Variants in GBP1 observed in about 807,000 individuals in gnomAD.
The protein encoded by GBP1 is guanylate-binding protein 1.
A neutral mutation model predicts 69.5 loss-of-function variants in GBP1; 64 were observed. That is an observed-to-expected ratio of 0.92 (90% CI 0.75 to 1.13). GBP1 has a LOEUF of 1.13. GBP1 is among the 50% of genes most tolerant of loss of function. The probability of loss-of-function intolerance (pLI) is 0.00; values close to 1 mark genes in which losing one functional copy is unlikely to be tolerated. For missense variants in GBP1, 630 were observed against 704.1 expected (o/e 0.89, Z 1.19); for synonymous variants, 250 against 261.2 (o/e 0.96, Z 0.41).
intron 3 of GBP1, 90 bp from the exon 4 acceptor site, chr1:89,059,516 A>G: frequency 9.5e-7 from 1 of 1,057,260 alleles, no homozygotes; most frequent in Non-Finnish European, 1.4e-6. Flanking sequence ...TTCATATGTT[A>G]GAGGGTTTTT....
chr1:89,064,425 A>T (rs1680285450), intron 1 of GBP1, among the ~76,000 whole-genome samples: 1 of 152,062 alleles, frequency 6.6e-6, no homozygotes, highest in Admixed American at 6.6e-5. Context: ...ATTACAGGAG[A>T]ATTAAAGAGG....
intron 10 of GBP1, among the ~76,000 whole-genome samples, chr1:89,054,066 A>G (rs1304211563): frequency 6.6e-6 from 1 of 152,178 alleles, no homozygotes; most frequent in Non-Finnish European, 1.5e-5. Flanking sequence ...TCTAAGTAAT[A>G]AGGATATAGT....
chr1:89,060,381 T>A, intron 2 of GBP1, 57 bp from the exon 3 acceptor site: 2 of 1,444,478 alleles, frequency 1.4e-6, no homozygotes, highest in Admixed American at 5.1e-5. Flanking sequence ...GTTCTGGCAA[T>A]TGAAGGAAAA....
At position 89,053,195 on chromosome 1, in the gene GBP1, TA is replaced by T; in HGVS notation, c.*159del. 2.0e-6 allele frequency: 1 copy of T among 506,544 alleles called. No individual in the cohort carries two copies. Among genetic ancestry groups the T allele is most frequent in the Non-Finnish European group, 3.4e-6 (1 of 292,116 alleles). 31.4% of individuals were successfully genotyped at this position (506,544 alleles called of 1,614,324 possible). On this transcript the variant is annotated 3_prime_UTR_variant, in exon 11 of 11. Coordinates refer to ENST00000370473, the MANE Select transcript of GBP1 (RefSeq NM_002053.3). ...ACAATTTACAGTCTTTTTTTTTTTT[TA>T]AGAAAAAACATGATTTTGATCATTG...
At chr1:89,064,199 ATGTGTGTGTGTGTGTG>A (rs759907157) in intron 1 of GBP1, among the ~76,000 whole-genome samples, 35,803 of 99,590 alleles carry the variant, frequency 0.36, 6,933 homozygotes, top group Middle Eastern at 0.47. Flanking sequence ...GGGGCTGGGA[ATGTGTGTGTGTGTGTG>A]TGTGTGTGTG....
chr1:89,054,845 G>C lies in GBP1; in HGVS notation c.1502C>G (p.Ala501Gly), dbSNP rs759817699. 1 of 1,614,154 alleles carries C rather than the reference G, an allele frequency of 6.2e-7. No homozygotes were observed. Among genetic ancestry groups the C allele is most frequent in the Non-Finnish European group, 8.5e-7 (1 of 1,180,018 alleles). ...CATTTCCTGCAACATTTTTGCTGAA[G>C]CCTGTGCAGACTCAGCTTTCACACG... ...VERVKAESAQ[A>G]SAKMLQEMQR... The change falls in exon 10 of 11, where the codon GCT (alanine) becomes GGT (glycine). Residue 501 changes from alanine to glycine, a missense_variant. By Grantham distance (60) the Ala-to-Gly change is moderately conservative. Coordinates refer to ENST00000370473, the MANE Select transcript of GBP1 (RefSeq NM_002053.3).
chr1:89,057,139 A>T lies in GBP1; in HGVS notation c.875-5T>A. On this transcript the variant is annotated splice_region_variant and splice_polypyrimidine_tract_variant and intron_variant, in intron 6 of 10. Coordinates refer to ENST00000370473, the MANE Select transcript of GBP1 (RefSeq NM_002053.3). ...TCAGCACCAGGCTCTCTAGACCTGC[A>T]TATGAAGAACAAATGATAATGTTTC... is the stretch of plus-strand genomic sequence containing the variant. The T allele has an allele frequency of 6.2e-7, 1 of 1,613,966 alleles. No homozygotes were observed. Among genetic ancestry groups the T allele is most frequent in the Non-Finnish European group, 8.5e-7 (1 of 1,179,780 alleles).
At chr1:89,063,670 T>C (rs1236236206) in intron 1 of GBP1, among the ~76,000 whole-genome samples, 1 of 152,244 alleles carries the variant, frequency 6.6e-6, no homozygotes. Flanking sequence ...TGAATCAGTA[T>C]TCATAGTTTG....
intron 1 of GBP1, among the ~76,000 whole-genome samples, chr1:89,063,718 T>A (rs72951613): frequency 0.055 from 8,445 of 152,300 alleles, 477 homozygotes; most frequent in African/African-American, 0.14. Flanking sequence ...GATTTTTAAA[T>A]GTGTTCCTTC....
At chr1:89,060,630 C>G (rs1317949734) in intron 2 of GBP1, among the ~76,000 whole-genome samples, 8 of 152,190 alleles carry the variant, frequency 5.3e-5, no homozygotes, top group Non-Finnish European at 1.2e-4. Flanking sequence ...CATAGCTTTT[C>G]CTATAACATC....
chr1:89,056,049 T>C lies in GBP1; in HGVS notation c.1335A>G (p.Lys445=), dbSNP rs540338605. The C allele has an allele frequency of 1.4e-5, 23 of 1,613,978 alleles. No individual in the cohort carries two copies. The South Asian group carries it at 2.2e-4, about 15-fold the overall frequency. ...CCTTCCTCGGTTCCTCATAGTACTT[T>C]TTCTTCAGGTCTTGTAGCTTCTGAA... The part of the protein sequence containing the change: ...LFVQKLQDLK[K]KYYEEPRKGI... The change falls in exon 8 of 11, where the codon AAA becomes AAG. Residue 445 remains lysine, a synonymous_variant. Coordinates refer to ENST00000370473, the MANE Select transcript of GBP1 (RefSeq NM_002053.3).
chr1:89,056,379 C>G (rs1216596609), intron 7 of GBP1, 151 bp from the exon 8 acceptor site: 6 of 1,341,556 alleles, frequency 4.5e-6, no homozygotes, highest in Middle Eastern at 2.6e-4. Flanking sequence ...CCTTCTGACC[C>G]CACTTTCTGC....
At chr1:89,062,397 C>T (rs1680222418) in intron 2 of GBP1, among the ~76,000 whole-genome samples, 1 of 152,156 alleles carries the variant, frequency 6.6e-6, no homozygotes, top group South Asian at 2.1e-4. Context: ...ATAAGCCAGT[C>T]ATAAAAGGAC....
Position 89,056,955 on chromosome 1 carries a change from C to A in GBP1, c.1054G>T (p.Glu352Ter), listed in dbSNP as rs768793043. ...KVQLPTETLQ[E>*]LLDLHRDSER... is the part of the protein sequence containing the mutation. ...CTGTCCCTGTGCAGGTCCAGCAGCT[C>A]CTGGAGGGTTTCTGTGGGCAGCTGC... The change falls in exon 7 of 11, where the codon GAG becomes TAG. Residue 352 changes from glutamate (E) to a stop codon, truncating the protein, a stop_gained. Coordinates refer to ENST00000370473, the MANE Select transcript of GBP1 (RefSeq NM_002053.3). LOFTEE classifies it high-confidence loss of function. 1 of 1,614,214 alleles carries A rather than the reference C, an allele frequency of 6.2e-7. No homozygotes were observed. Among genetic ancestry groups the A allele is most frequent in the East Asian group, 2.2e-5 (1 of 44,892 alleles).
rs1229929358 is a variant in GBP1 at position 89,057,977 on chromosome 1, A to G, written c.874+15T>C. On this transcript the variant is annotated intron_variant, in intron 6 of 10. Coordinates refer to ENST00000370473, the MANE Select transcript of GBP1 (RefSeq NM_002053.3). ...GTCTTAAACAATGAGCAGAAGTACT[A>G]GGAAGGGGACTTACGAGGCCCGTTG... 1.2e-6 allele frequency: 2 copies of G among 1,606,030 alleles called. No individual in the cohort carries two copies. Among genetic ancestry groups the G allele is most frequent in the Admixed American group, 1.7e-5 (1 of 59,658 alleles).
At chr1:89,059,528 T>C (rs886791548) in intron 3 of GBP1, 102 bp from the exon 4 acceptor site, 120 of 1,195,834 alleles carry the variant, frequency 1.0e-4, no homozygotes, top group Non-Finnish European at 1.3e-4. Context: ...AGGGTTTTTT[T>C]TTCTTTTCTT....
intron 3 of GBP1, 68 bp downstream of exon 3, chr1:89,060,129 C>T: frequency 1.4e-6 from 2 of 1,449,982 alleles, no homozygotes; most frequent in Non-Finnish European, 1.9e-6. Flanking sequence ...AGTTAATAAA[C>T]AATTAACCGC....
At chr1:89,055,684 C>T (rs1045139776) in intron 8 of GBP1, 15 of 414,076 alleles carry the variant, frequency 3.6e-5, no homozygotes, top group African/African-American at 2.6e-4. Flanking sequence ...CAGTTTGCAG[C>T]CTAAATCAAT....
chr1:89,064,229 G>A (rs1306021111), intron 1 of GBP1, among the ~76,000 whole-genome samples: 2 of 136,268 alleles, frequency 1.5e-5, no homozygotes, highest in Non-Finnish European at 3.1e-5. Flanking sequence ...GTGTGTGTGT[G>A]TGTGTGTGTG....
Sources: gnomAD v4.1 joint callset for allele counts (sites outside exome capture counted in the v4.1 genomes callset) on GRCh38, gnomAD v4.1.1 for gene constraint, MANE v1.5 for transcripts, NCBI Gene and HGNC (gene_info 2026-07-23, HGNC 2026-07-21) for gene names.